Variants in BLOC1S6 observed in about 807,000 individuals in gnomAD.
BLOC1S6 encodes the protein biogenesis of lysosome-related organelles complex 1 subunit 6.
In BLOC1S6, 24 loss-of-function variants were observed where a neutral mutation model predicts 24.7. The ratio of observed to expected loss-of-function variants is 0.97; its 90% CI spans 0.70 to 1.37. The LOEUF (loss-of-function observed/expected upper bound fraction) is 1.37. Ranked by LOEUF, BLOC1S6 falls within the 40% of genes most tolerant of loss-of-function variation. The probability of loss-of-function intolerance (pLI) is 0.00; values close to 1 mark genes in which losing one functional copy is unlikely to be tolerated. For synonymous variants in BLOC1S6, 76 were observed against 72.6 expected (o/e 1.05, Z -0.23); for missense variants, 175 against 196.2 (o/e 0.89, Z 0.64).
chr15:45,606,137 C>CT (rs1293711847), intron 4 of BLOC1S6, among the ~76,000 whole-genome samples: 1 of 151,984 alleles, frequency 6.6e-6, no homozygotes, highest in Non-Finnish European at 1.5e-5. Flanking sequence ...CAACTGCACT[C>CT]TGAGCATTTT....
chr15:45,602,382 G>C lies in BLOC1S6; in HGVS notation c.225-718G>C, dbSNP rs1187937948. The C allele has an allele frequency of 1.2e-5, 8 of 681,478 alleles. No homozygotes were observed. In the East Asian group the frequency reaches 1.6e-4, roughly 14 times the overall value. The allele number at this position is 681,478 out of a possible 1,614,324, so 42.2% of individuals were successfully genotyped here. A position where few individuals can be genotyped will look rare whatever the true frequency, so the allele number is the denominator to read the frequency against. Reference sequence around the variant, plus strand: ...CATTCTTTAAAATATTCAGGTAGGTGACCCTTTTAATGTCACTTATTCCTG... The same window carrying C: ...CATTCTTTAAAATATTCAGGTAGGTCACCCTTTTAATGTCACTTATTCCTG... On this transcript the variant is annotated intron_variant, in intron 2 of 4. Coordinates refer to ENST00000220531, the MANE Select transcript of BLOC1S6 (RefSeq NM_012388.4).
At chr15:45,587,549 G>A in intron 1 of BLOC1S6, 24 bp downstream of exon 1, 1 of 1,552,248 alleles carries the variant, frequency 6.4e-7, no homozygotes, top group East Asian at 2.4e-5. Context: ...GGTGGGAAGC[G>A]CGGCCCGGGC....
At chr15:45,593,808 C>T (rs1371821164) in intron 2 of BLOC1S6, among the ~76,000 whole-genome samples, 1 of 152,008 alleles carries the variant, frequency 6.6e-6, no homozygotes, top group East Asian at 1.9e-4. Context: ...AGCACTTTAA[C>T]ATATCTCAGT....
Position 45,606,827 on chromosome 15 carries a change from T to G in BLOC1S6, c.*313T>G. On this transcript the variant is annotated 3_prime_UTR_variant, in exon 5 of 5. Coordinates refer to ENST00000220531, the MANE Select transcript of BLOC1S6 (RefSeq NM_012388.4). Reference sequence around the variant, plus strand: ...CTAAGTGGTTAAAAATTAGTATGAATTTTTTAGCTTCTTAATGAATATGGA... The same window carrying G: ...CTAAGTGGTTAAAAATTAGTATGAAGTTTTTAGCTTCTTAATGAATATGGA... 1 of 304,628 alleles carries G rather than the reference T, an allele frequency of 3.3e-6. No individual in the cohort carries two copies. Among genetic ancestry groups the G allele is most frequent in the Non-Finnish European group, 6.1e-6 (1 of 165,096 alleles). The allele number at this position is 304,628 out of a possible 1,614,324, so 18.9% of individuals were successfully genotyped here. A position where few individuals can be genotyped will look rare whatever the true frequency, so the allele number is the denominator to read the frequency against.
intron 2 of BLOC1S6, among the ~76,000 whole-genome samples, chr15:45,594,345 T>C (rs1460408254): frequency 6.6e-6 from 1 of 152,136 alleles, no homozygotes; most frequent in Non-Finnish European, 1.5e-5. Flanking sequence ...AAAAACAAGG[T>C]TCTGGGATCC....
rs1290117710 is a variant in BLOC1S6 at position 45,607,235 on chromosome 15, T to C, written c.*721T>C. The C allele has an allele frequency of 6.6e-6, 1 of 152,288 alleles. No individual in the cohort carries two copies. The highest frequency in any genetic ancestry group is 1.5e-5 in the Non-Finnish European group (1 of 68,104). The allele number at this position is 152,288 out of a possible 1,614,324, so 9.4% of individuals were successfully genotyped here. A position where few individuals can be genotyped will look rare whatever the true frequency, so the allele number is the denominator to read the frequency against. ...GCATGTACGGGAAATAACAGCACTT[T>C]AGGTGTAGTTCAGGTGAGCAAGATG... On this transcript the variant is annotated 3_prime_UTR_variant, in exon 5 of 5. Coordinates refer to ENST00000220531, the MANE Select transcript of BLOC1S6 (RefSeq NM_012388.4).
chr15:45,597,554 T>A (rs539447119), intron 2 of BLOC1S6, among the ~76,000 whole-genome samples: 1 of 152,346 alleles, frequency 6.6e-6, no homozygotes, highest in Non-Finnish European at 1.5e-5. Context: ...ATATTTTTCA[T>A]TAGAGTTTTA....
chr15:45,603,927 A>G (rs534675019), intron 3 of BLOC1S6, among the ~76,000 whole-genome samples: 1 of 152,354 alleles, frequency 6.6e-6, no homozygotes, highest in Admixed American at 6.5e-5. Context: ...ATATCTTTCA[A>G]TATAAATAGT....
At position 45,605,631 on chromosome 15, in the gene BLOC1S6, C is replaced by T. The variant is rs1396357090; in HGVS notation, c.399+117C>T. ...TGAGACGGAGTTTTGCTCTTGCCGCCCAGGCTGGAGTGCAATGGTGCAATC... is the reference window on the plus strand; with the variant it reads ...TGAGACGGAGTTTTGCTCTTGCCGCTCAGGCTGGAGTGCAATGGTGCAATC... On this transcript the variant is annotated intron_variant, in intron 4 of 4. Coordinates refer to ENST00000220531, the MANE Select transcript of BLOC1S6 (RefSeq NM_012388.4). 3.6e-6 allele frequency: 3 copies of T among 841,804 alleles called. No homozygotes were observed. In the African/African-American group the frequency reaches 5.2e-5, roughly 15 times the overall value. The allele number at this position is 841,804 out of a possible 1,614,324, so 52.1% of individuals were successfully genotyped here.
chr15:45,587,599 G>A lies in BLOC1S6; in HGVS notation c.82+74G>A, dbSNP rs1021473278. Reference sequence around the variant, plus strand: ...GGGGACCTGAGTGAGTAGAACTCCGGAGAAACCCTGGGGGAGTAAGCGGTT... The same window carrying A: ...GGGGACCTGAGTGAGTAGAACTCCGAAGAAACCCTGGGGGAGTAAGCGGTT... On this transcript the variant is annotated intron_variant, in intron 1 of 4. Transcript: ENST00000220531. 59 of 1,415,192 alleles carry A rather than the reference G, an allele frequency of 4.2e-5. No homozygotes were observed. The African/African-American group carries it at 7.1e-4, about 17-fold the overall frequency. 87.7% of individuals were successfully genotyped at this position (1,415,192 alleles called of 1,614,324 possible).
chr15:45,608,458 G>A lies in BLOC1S6; in HGVS notation c.*1944G>A, dbSNP rs1412370406. On this transcript the variant is annotated 3_prime_UTR_variant, in exon 5 of 5. Coordinates refer to ENST00000220531, the MANE Select transcript of BLOC1S6 (RefSeq NM_012388.4). ...TAGTACAGCGTTTCTGAGTCATTTGGGACCAACTGCAGTGGTTGTTTAAAA... is the reference window on the plus strand; with the variant it reads ...TAGTACAGCGTTTCTGAGTCATTTGAGACCAACTGCAGTGGTTGTTTAAAA... 6.6e-6 allele frequency: 1 copy of A among 152,118 alleles called. No homozygotes were observed. The highest frequency in any genetic ancestry group is 2.4e-5 in the African/African-American group (1 of 41,420). 9.4% of individuals were successfully genotyped at this position (152,118 alleles called of 1,614,324 possible).
chr15:45,601,113 G>C (rs1894254536), intron 2 of BLOC1S6: 1 of 153,426 alleles, frequency 6.5e-6, no homozygotes, highest in African/African-American at 2.4e-5. Flanking sequence ...CATAGTAAGA[G>C]ATTAACAACA....
At chr15:45,592,346 A>G in intron 2 of BLOC1S6, 70 bp downstream of exon 2, 1 of 1,542,110 alleles carries the variant, frequency 6.5e-7, no homozygotes, top group Middle Eastern at 1.7e-4. Context: ...ATAATTGTAT[A>G]CTGTGTTAAG....
rs373601262 is a variant in BLOC1S6 at position 45,597,956 on chromosome 15, G to A, written c.225-5144G>A. 462 of 331,762 alleles carry A rather than the reference G, an allele frequency of 1.4e-3. 4 individuals are homozygous for A. The East Asian group carries it at 0.022, about 16-fold the overall frequency. 20.6% of individuals were successfully genotyped at this position (331,762 alleles called of 1,614,324 possible). A position where few individuals can be genotyped will look rare whatever the true frequency, so the allele number is the denominator to read the frequency against. On this transcript the variant is annotated intron_variant, in intron 2 of 4. Transcript: ENST00000220531. ...ATCCTCAATAAAATACTGGCAAACC[G>A]AATCCAGCAGCACATCAAAAAGCTT...
intron 1 of BLOC1S6, among the ~76,000 whole-genome samples, chr15:45,588,145 G>A (rs1893752254): frequency 6.6e-6 from 1 of 152,218 alleles, no homozygotes; most frequent in Non-Finnish European, 1.5e-5. Flanking sequence ...AGATGAGAAA[G>A]GCTGCAGGGC....
At chr15:45,597,885 A>G in intron 2 of BLOC1S6, 1 of 378,878 alleles carries the variant, frequency 2.6e-6, no homozygotes, top group Non-Finnish European at 5.2e-6. Context: ...ATTAGCTTGG[A>G]CTTAAAGTAT....
At chr15:45,596,802 A>G (rs1229468817) in intron 2 of BLOC1S6, among the ~76,000 whole-genome samples, 1 of 151,582 alleles carries the variant, frequency 6.6e-6, no homozygotes, top group Non-Finnish European at 1.5e-5. Flanking sequence ...TCAGCCTCCC[A>G]AGTAGCGGGA....
At chr15:45,600,348 A>C (rs1383546689) in intron 2 of BLOC1S6, among the ~76,000 whole-genome samples, 6 of 152,030 alleles carry the variant, frequency 3.9e-5, no homozygotes, top group Non-Finnish European at 8.8e-5. Flanking sequence ...AAAAAGTATG[A>C]TGTTGAATAG....
chr15:45,606,559 TATG>T lies in BLOC1S6; in HGVS notation c.*50_*52del, dbSNP rs1430812045. ...TTCTTCTCCTGTCCCATATTTGGGT[TATG>T]ATGACTCAAGTGTAGACTGAAGTTG... On this transcript the variant is annotated 3_prime_UTR_variant, in exon 5 of 5. Transcript: ENST00000220531. 1.9e-6 allele frequency: 3 copies of T among 1,613,988 alleles called. No individual in the cohort carries two copies. Among genetic ancestry groups the T allele is most frequent in the Non-Finnish European group, 2.5e-6 (3 of 1,179,914 alleles).
Sources: allele counts gnomAD v4.1 joint callset (sites outside exome capture counted in the v4.1 genomes callset), GRCh38; gene constraint gnomAD v4.1.1; transcripts MANE v1.5; gene names NCBI Gene and HGNC (gene_info 2026-07-23, HGNC 2026-07-21).